The following LRRC53 variants were observed in gnomAD, a reference collection of about 807,000 sequenced individuals.
LRRC53 encodes leucine-rich repeat-containing protein 53.
Under a neutral mutation model 13.6 loss-of-function variants are expected in LRRC53, and 25 were observed. The ratio of observed to expected loss-of-function variants is 1.83; its 90% CI spans 1.34 to 2.56. LRRC53 has a LOEUF of 2.56. LRRC53 is among the 30% of genes most tolerant of loss of function. The pLI, the probability that LRRC53 is intolerant of heterozygous loss-of-function variation, is 0.00. For missense variants in LRRC53, 527 were observed against 275.8 expected (o/e 1.91, Z -6.45); for synonymous variants, 204 against 109.8 (o/e 1.86, Z -5.37).
intron 1 of LRRC53, among the ~76,000 whole-genome samples, chr1:74,486,893 T>G (rs1314856701): frequency 6.6e-6 from 1 of 152,160 alleles, no homozygotes. Flanking sequence ...TTTAATGCTA[T>G]GCCAAGTGAA....
At chr1:74,506,453 T>A (rs973183778) in intron 1 of LRRC53, among the ~76,000 whole-genome samples, 3 of 152,228 alleles carry the variant, frequency 2.0e-5, no homozygotes, top group African/African-American at 7.2e-5. Context: ...TACTACTTGC[T>A]GAGCTGCTAT....
At chr1:74,474,011 C>G (rs565347150) in intron 4 of LRRC53, among the ~76,000 whole-genome samples, 11 of 152,024 alleles carry the variant, frequency 7.2e-5, no homozygotes, top group Non-Finnish European at 1.3e-4. Flanking sequence ...CCTCAAATAC[C>G]TGCCCTCTCT....
chr1:74,494,750 T>C (rs947733784), intron 1 of LRRC53, among the ~76,000 whole-genome samples: 4 of 152,220 alleles, frequency 2.6e-5, no homozygotes, highest in Admixed American at 2.0e-4. Flanking sequence ...TCAAGTTATT[T>C]AAATCTCACA....
intron 1 of LRRC53, among the ~76,000 whole-genome samples, chr1:74,485,092 A>C (rs1006141411): frequency 4.1e-4 from 63 of 152,196 alleles, no homozygotes; most frequent in African/African-American, 1.4e-3. Context: ...AAACCATTGT[A>C]TCAAAGAACT....
chr1:74,480,043 C>T (rs1184030615), intron 3 of LRRC53, 110 bp downstream of exon 3: 7 of 613,866 alleles, frequency 1.1e-5, no homozygotes, highest in South Asian at 3.9e-5. Flanking sequence ...GGCAACCTCT[C>T]CTTTCCATAG....
chr1:74,475,194 G>A, intron 4 of LRRC53, 101 bp downstream of exon 4: 1 of 596,216 alleles, frequency 1.7e-6, no homozygotes, highest in Admixed American at 3.0e-5. Context: ...GTGCTATAGT[G>A]ATTTTTATAG....
chr1:74,473,273 T>C (rs1345131059), intron 4 of LRRC53, among the ~76,000 whole-genome samples: 1 of 152,144 alleles, frequency 6.6e-6, no homozygotes, highest in Non-Finnish European at 1.5e-5. Flanking sequence ...AGAAGTTGAA[T>C]GCTTTCCCGT....
chr1:74,508,079 C>T (rs1016743550), intron 1 of LRRC53, among the ~76,000 whole-genome samples: 1 of 152,222 alleles, frequency 6.6e-6, no homozygotes, highest in African/African-American at 2.4e-5. Context: ...TGTATTCTAA[C>T]ACAGACGGAG....
At chr1:74,527,737 T>G in the LRRC53 span, among the ~76,000 whole-genome samples, 1 of 152,330 alleles carries the variant, frequency 6.6e-6, no homozygotes, top group Admixed American at 6.5e-5. Context: ...TTTTAAAAAT[T>G]TCACCATTGT....
chr1:74,519,613 A>C, the LRRC53 span, among the ~76,000 whole-genome samples: 1 of 152,200 alleles, frequency 6.6e-6, no homozygotes, highest in African/African-American at 2.4e-5. Flanking sequence ...TTTAAACTAA[A>C]ATCATAAGAA....
rs1376163134 is a variant in LRRC53 at position 74,471,704 on chromosome 1, A to G, written c.1918T>C (p.Phe640Leu). 4 of 402,420 alleles carry G rather than the reference A, an allele frequency of 9.9e-6. No individual in the cohort carries two copies. Among genetic ancestry groups the G allele is most frequent in the Non-Finnish European group, 1.3e-5 (3 of 227,402 alleles). The allele number at this position is 402,420 out of a possible 1,614,324, so 24.9% of individuals were successfully genotyped here. ...KKAYSPKRVI[F>L]HDPDLVEINR... ...ATTTCTACTAAATCAGGATCATGGA[A>G]GATAACCCTCTTTGGGGAATATGCT... Residue 640 changes from phenylalanine to leucine, a missense_variant, in exon 5 of 5, where the codon TTC becomes CTC. Phe to Leu is a conservative substitution (Grantham distance 22). Coordinates refer to ENST00000294635, the MANE Select transcript of LRRC53 (RefSeq NM_001382280.1).
chr1:74,500,159 T>C (rs967278795), intron 1 of LRRC53, among the ~76,000 whole-genome samples: 2 of 152,018 alleles, frequency 1.3e-5, no homozygotes, highest in Non-Finnish European at 2.9e-5. Context: ...CTATAATACC[T>C]CTTTATTTTA....
rs1420782797 is a variant in LRRC53, at chr1:74,502,540, A to G, written c.-27+9986T>C. On this transcript the variant is annotated intron_variant, in intron 1 of 4. Coordinates refer to ENST00000294635, the MANE Select transcript of LRRC53 (RefSeq NM_001382280.1). ...TCTCTGGAGACTTAACTTTGCCAAC[A>G]TGTTTGCCAACACCAGAACGTTATG... is the stretch of plus-strand genomic sequence containing the variant. Among the ~76,000 whole-genome samples the G allele has an allele frequency of 5.3e-5, 8 of 152,226 alleles. No homozygotes were observed. The South Asian group carries it at 6.2e-4, about 12-fold the overall frequency.
rs1667829643 is a variant in LRRC53 at position 74,469,661 on chromosome 1, A to G, written c.*217T>C. 2 of 373,334 alleles carry G rather than the reference A, an allele frequency of 5.4e-6. No individual in the cohort carries two copies. The highest frequency in any genetic ancestry group is 9.5e-6 in the Non-Finnish European group (2 of 210,574). The allele number at this position is 373,334 out of a possible 1,614,324, so 23.1% of individuals were successfully genotyped here. A position where few individuals can be genotyped will look rare whatever the true frequency, so the allele number is the denominator to read the frequency against. ...GTTTTTTCATTCCTTAGAGAAGCAT[A>G]CTCAGTTAATTGTGTCAGACGTATC... On this transcript the variant is annotated 3_prime_UTR_variant, in exon 5 of 5. Transcript: ENST00000294635.
intron 2 of LRRC53, 84 bp downstream of exon 2, chr1:74,483,178 A>T: frequency 2.9e-6 from 2 of 683,066 alleles, no homozygotes; most frequent in Admixed American, 4.2e-5. Flanking sequence ...CTGAGCCCAG[A>T]GAACAGTCAG....
intron 1 of LRRC53, among the ~76,000 whole-genome samples, chr1:74,501,206 A>T (rs1264951634): frequency 6.6e-6 from 1 of 152,158 alleles, no homozygotes; most frequent in African/African-American, 2.4e-5. Flanking sequence ...TAATTTTTTC[A>T]GATCTGTCTT....
At chr1:74,524,226 G>A in the LRRC53 span, among the ~76,000 whole-genome samples, 1 of 152,206 alleles carries the variant, frequency 6.6e-6, no homozygotes, top group Non-Finnish European at 1.5e-5. Flanking sequence ...GTATTTAGAG[G>A]CATTCTGAAG....
chr1:74,514,793 A>G (rs891972593), upstream of LRRC53, among the ~76,000 whole-genome samples: 13 of 152,108 alleles, frequency 8.5e-5, no homozygotes, highest in African/African-American at 2.7e-4. Context: ...GTTGAATTGT[A>G]TCCCCCAAAA....
At chr1:74,481,047 A>G (rs907500935) in intron 2 of LRRC53, 79 bp from the exon 3 acceptor site, 1 of 623,658 alleles carries the variant, frequency 1.6e-6, no homozygotes, top group Non-Finnish European at 2.9e-6. Context: ...GCAGAGAATC[A>G]ATATCCTCTG....
Sources: allele counts gnomAD v4.1 joint callset (sites outside exome capture counted in the v4.1 genomes callset), GRCh38; gene constraint gnomAD v4.1.1; transcripts MANE v1.5; gene names NCBI Gene and HGNC (gene_info 2026-07-23, HGNC 2026-07-21).